Variants in ACADL observed in about 807,000 individuals in gnomAD.
ACADL encodes long-chain specific acyl-CoA dehydrogenase, mitochondrial.
A neutral mutation model predicts 56.9 loss-of-function variants in ACADL; 60 were observed. That is an observed-to-expected ratio of 1.05 (90% CI 0.86 to 1.31). The LOEUF (loss-of-function observed/expected upper bound fraction) is 1.31, where lower values mean the gene tolerates loss of function less well. ACADL is among the 50% of genes most tolerant of loss of function. ACADL has a pLI of 0.00. For synonymous variants in ACADL, 158 were observed against 179.7 expected, an observed-to-expected ratio of 0.88 and a Z score of 0.97; for missense variants, 484 against 525.5, an observed-to-expected ratio of 0.92 and a Z score of 0.77.
chr2:210,212,600 C>T (rs1689004690), intron 4 of ACADL, among the ~76,000 whole-genome samples: 1 of 152,194 alleles, frequency 6.6e-6, no homozygotes, highest in African/African-American at 2.4e-5. Context: ...CAAGTCTCTG[C>T]TAATTTGTCA....
At chr2:210,200,060 T>C (rs1236091090) in intron 8 of ACADL, among the ~76,000 whole-genome samples, 2 of 152,158 alleles carry the variant, frequency 1.3e-5, no homozygotes, top group Non-Finnish European at 2.9e-5. Context: ...ATAAGTGTTT[T>C]AGTAAACATT....
At chr2:210,222,117 C>A in intron 1 of ACADL, among the ~76,000 whole-genome samples, 1 of 152,004 alleles carries the variant, frequency 6.6e-6, no homozygotes, top group Non-Finnish European at 1.5e-5. Context: ...TTACTGAGTG[C>A]CAATTCTGTG....
chr2:210,208,790 T>C (rs565892345), intron 5 of ACADL, among the ~76,000 whole-genome samples: 1 of 152,346 alleles, frequency 6.6e-6, no homozygotes, highest in South Asian at 2.1e-4. Context: ...TTTGTGTTGC[T>C]AGTGTTAATG....
At chr2:210,224,866 C>T in intron 1 of ACADL, 1 of 1,094,566 alleles carries the variant, frequency 9.1e-7, no homozygotes, top group Non-Finnish European at 1.1e-6. Flanking sequence ...CCGGGTCCCA[C>T]TGCAGGCCGC....
chr2:210,207,042 A>G (rs1044287045), intron 5 of ACADL, among the ~76,000 whole-genome samples: 1 of 152,140 alleles, frequency 6.6e-6, no homozygotes, highest in African/African-American at 2.4e-5. Context: ...AATAAATTAC[A>G]TTATCATCCT....
chr2:210,192,064 AAAG>A lies in ACADL; in HGVS notation c.1199+737_1199+739del, dbSNP rs1405740043. Among the ~76,000 whole-genome samples, 16 of 152,246 alleles carry A rather than the reference AAAG, an allele frequency of 1.1e-4. No homozygotes were observed. The East Asian group carries it at 2.7e-3, about 26-fold the overall frequency. On this transcript the variant is annotated intron_variant, in intron 10 of 10. Transcript: ENST00000233710. ...ATTTGAAGGAAATAAATCTATTTAG[AAAG>A]AAGATTTTTAATTTTTTTAGAACAA...
chr2:210,220,682 C>A lies in ACADL; in HGVS notation c.198G>T (p.Lys66Asn), dbSNP rs1027782769. Residue 66 changes from lysine (K) to asparagine (N), a missense_variant, in exon 2 of 11, where the codon AAG becomes AAT. By Grantham distance (94) the Lys-to-Asn change is moderately conservative. Transcript: ENST00000233710. ...GAGGAATCACTTCTTCTTGGAAAAA[C>A]TTCCTTACACTTTTCCGGAAAATGT... ...EHDIFRKSVR[K>N]FFQEEVIPHH... 6.2e-7 allele frequency: 1 copy of A among 1,613,506 alleles called. No individual in the cohort carries two copies. Among genetic ancestry groups the A allele is most frequent in the East Asian group, 2.2e-5 (1 of 44,784 alleles).
chr2:210,220,566 T>G, intron 2 of ACADL, 81 bp downstream of exon 2: 1 of 1,301,588 alleles, frequency 7.7e-7, no homozygotes. Flanking sequence ...ATGTTTTCTG[T>G]ATAGCAATAT....
In ACADL at chr2:210,203,316, C is replaced by T. The variant is rs538138862; in HGVS notation, c.984+15G>A. On this transcript the variant is annotated intron_variant, in intron 8 of 10. Coordinates refer to ENST00000233710, the MANE Select transcript of ACADL (RefSeq NM_001608.4). ...ACTGATACCATCTAATACTAAACCA[C>T]AGTGACAAGCTTACCTGTAGGTGAG... 1 of 1,565,688 alleles carries T rather than the reference C, an allele frequency of 6.4e-7. No homozygotes were observed. The highest frequency in any genetic ancestry group is 1.7e-5 in the Admixed American group (1 of 59,758).
intron 1 of ACADL, among the ~76,000 whole-genome samples, chr2:210,222,278 T>C (rs1278511470): frequency 6.6e-6 from 1 of 151,132 alleles, no homozygotes; most frequent in East Asian, 1.9e-4. Context: ...CCTTAGAAGG[T>C]GGTAAGTATT....
intron 3 of ACADL, 44 bp from the exon 4 acceptor site, chr2:210,216,555 TA>T: frequency 2.6e-6 from 4 of 1,548,902 alleles, no homozygotes; most frequent in Non-Finnish European, 3.5e-6. Flanking sequence ...AAAATAGCAA[TA>T]AAAAACGACT....
intron 10 of ACADL, among the ~76,000 whole-genome samples, 169 bp from the exon 11 acceptor site, chr2:210,189,223 T>TG (rs1553688428): frequency 2.6e-5 from 4 of 151,942 alleles, no homozygotes; most frequent in Admixed American, 2.6e-4. Context: ...GGAATAATAG[T>TG]AAAAAAAACT....
At position 210,205,815 on chromosome 2, in the gene ACADL, A is replaced by C. The variant is rs1575676048; in HGVS notation, c.604-19T>G. ...TGAACACCTGCAAAACCCCAAGTAC[A>C]TTATTAATGCACCATGATAATTCAA... is the stretch of plus-strand genomic sequence containing the variant. On this transcript the variant is annotated intron_variant, in intron 5 of 10. Transcript: ENST00000233710. 1 of 1,613,370 alleles carries C rather than the reference A, an allele frequency of 6.2e-7. No homozygotes were observed. Among genetic ancestry groups the C allele is most frequent in the African/African-American group, 1.3e-5 (1 of 75,012 alleles).
chr2:210,205,304 G>A (rs1193872220), intron 6 of ACADL, among the ~76,000 whole-genome samples: 3 of 152,126 alleles, frequency 2.0e-5, no homozygotes, highest in African/African-American at 4.8e-5. Flanking sequence ...GGGATTACAG[G>A]TGTGAGCCAC....
chr2:210,223,921 C>A (rs1397301601), intron 1 of ACADL, among the ~76,000 whole-genome samples: 11 of 152,010 alleles, frequency 7.2e-5, no homozygotes, highest in African/African-American at 2.7e-4. Context: ...AAACAAAAGT[C>A]CTTTGAGGTC....
At chr2:210,204,221 A>G (rs918532151) in intron 7 of ACADL, among the ~76,000 whole-genome samples, 3 of 152,184 alleles carry the variant, frequency 2.0e-5, no homozygotes, top group African/African-American at 7.2e-5. Flanking sequence ...ATTCACAGTT[A>G]TTATTTAAAA....
intron 4 of ACADL, among the ~76,000 whole-genome samples, chr2:210,210,558 T>G (rs1367488928): frequency 6.6e-6 from 1 of 152,186 alleles, no homozygotes; most frequent in Non-Finnish European, 1.5e-5. Context: ...CACATAACAT[T>G]TCAAACCTCA....
intron 4 of ACADL, among the ~76,000 whole-genome samples, 171 bp downstream of exon 4, chr2:210,216,176 C>T (rs887577009): frequency 3.3e-5 from 5 of 152,160 alleles, no homozygotes; most frequent in Non-Finnish European, 7.4e-5. Flanking sequence ...TCAAACATAG[C>T]TTACATTATA....
intron 2 of ACADL, among the ~76,000 whole-genome samples, chr2:210,218,821 AC>A (rs1010789797): frequency 2.2e-4 from 34 of 152,332 alleles, no homozygotes; most frequent in African/African-American, 7.2e-4. Flanking sequence ...ACAAAAGCTG[AC>A]AAAGTAGGGA....
Sources: allele counts gnomAD v4.1 joint callset (sites outside exome capture counted in the v4.1 genomes callset), GRCh38; gene constraint gnomAD v4.1.1; transcripts MANE v1.5; gene names NCBI Gene and HGNC (gene_info 2026-07-23, HGNC 2026-07-21).